The following PRKG1 variants were observed in gnomAD, a reference collection of about 807,000 sequenced individuals.
PRKG1 encodes protein kinase cGMP-dependent 1, also known as cGMP-dependent protein kinase 1.
PRKG1 carries 35 observed loss-of-function variants against 88.1 expected under a neutral mutation model. The observed-to-expected ratio is 0.40, with a 90% confidence interval of 0.30 to 0.53. The LOEUF (loss-of-function observed/expected upper bound fraction) is 0.53. PRKG1 is among the 20% of genes least tolerant of loss of function. The pLI is 0.59. For missense variants in PRKG1, 540 were observed against 839.8 expected, an observed-to-expected ratio of 0.64 and a Z score of 4.41; for synonymous variants, 303 against 292.5, an observed-to-expected ratio of 1.04 and a Z score of -0.37.
At chr10:51,471,026 G>C (rs1369461087) in intron 3 of PRKG1, among the ~76,000 whole-genome samples, 1 of 151,876 alleles carries the variant, frequency 6.6e-6, no homozygotes, top group African/African-American at 2.4e-5. Context: ...GTATGATTCA[G>C]ATCTATATTC....
intron 2 of PRKG1, among the ~76,000 whole-genome samples, chr10:51,282,664 A>G (rs1164912312): frequency 6.6e-6 from 1 of 152,184 alleles, no homozygotes; most frequent in Admixed American, 6.5e-5. Flanking sequence ...TTTAAAAACT[A>G]GTTTATATCC....
At chr10:51,102,499 G>A (rs960484775) in intron 1 of PRKG1, among the ~76,000 whole-genome samples, 1 of 151,980 alleles carries the variant, frequency 6.6e-6, no homozygotes, top group Non-Finnish European at 1.5e-5. Context: ...AGAATGAAAT[G>A]GAAGTTCATA....
intron 3 of PRKG1, among the ~76,000 whole-genome samples, chr10:51,655,390 T>C (rs1248967116): frequency 6.6e-6 from 1 of 152,154 alleles, no homozygotes; most frequent in Non-Finnish European, 1.5e-5. Flanking sequence ...TTTGTAAACA[T>C]TGAATGGTAG....
At chr10:52,078,598 C>T (rs1283276022) in intron 7 of PRKG1, among the ~76,000 whole-genome samples, 1 of 152,208 alleles carries the variant, frequency 6.6e-6, no homozygotes, top group African/African-American at 2.4e-5. Context: ...ACACCAGAGA[C>T]TACCATATAC....
chr10:51,228,721 A>G (rs141971481), intron 2 of PRKG1, among the ~76,000 whole-genome samples: 12 of 152,258 alleles, frequency 7.9e-5, no homozygotes, highest in Admixed American at 7.8e-4. Flanking sequence ...TATACTGAAG[A>G]GTTTTGCTTT....
At chr10:52,105,551 T>A (rs1847397628) in intron 7 of PRKG1, among the ~76,000 whole-genome samples, 3 of 152,178 alleles carry the variant, frequency 2.0e-5, no homozygotes, top group Admixed American at 2.0e-4. Context: ...CTCCCCTTAG[T>A]TTATCTTTGA....
intron 2 of PRKG1, among the ~76,000 whole-genome samples, chr10:51,244,549 G>A (rs1278570466): frequency 3.3e-5 from 5 of 151,952 alleles, no homozygotes; most frequent in Non-Finnish European, 4.4e-5. Context: ...CAAAGGCCCC[G>A]TTTTAATTGC....
intron 3 of PRKG1, chr10:51,695,983 A>G (rs1356527289): frequency 6.6e-6 from 1 of 152,166 alleles, no homozygotes; most frequent in African/African-American, 2.4e-5. Flanking sequence ...TTATGTTCAC[A>G]TCCTCAAGGC....
chr10:51,218,516 TATATATATATATATAA>T lies in PRKG1; in HGVS notation c.478+65188_478+65203del, dbSNP rs1476457889. 2.0e-3 allele frequency among the ~76,000 whole-genome samples: 255 copies of T among 125,038 alleles called. 4 individuals carry two copies. The highest frequency in any genetic ancestry group is 7.8e-3 in the African/African-American group (240 of 30,842). The allele number at this position is 125,038 out of a possible 152,430, so 82.0% of individuals were successfully genotyped here. The stretch of plus-strand genomic sequence containing the variant: ...ATATATATATATATATATATATATA[TATATATATATATATAA>T]AATGTGTGTATTTGGCATTTATATA... On this transcript the variant is annotated intron_variant, in intron 2 of 17. Transcript: ENST00000373980.
intron 3 of PRKG1, among the ~76,000 whole-genome samples, chr10:51,586,744 C>T (rs1043184312): frequency 6.6e-6 from 1 of 152,014 alleles, no homozygotes; most frequent in Non-Finnish European, 1.5e-5. Flanking sequence ...CTGTCTGATA[C>T]CCAAATTATG....
intron 5 of PRKG1, among the ~76,000 whole-genome samples, chr10:52,031,448 A>G (rs934007100): frequency 1.3e-5 from 2 of 152,200 alleles, no homozygotes; most frequent in African/African-American, 2.4e-5. Context: ...AACCATAAAC[A>G]GGGCTTCTTG....
At chr10:51,293,815 A>G (rs962845513) in intron 2 of PRKG1, among the ~76,000 whole-genome samples, 1 of 152,152 alleles carries the variant, frequency 6.6e-6, no homozygotes, top group Non-Finnish European at 1.5e-5. Context: ...CAATGGCTAT[A>G]CCAGTTTACA....
At chr10:51,361,244 T>A (rs1842474092) in intron 2 of PRKG1, among the ~76,000 whole-genome samples, 1 of 151,904 alleles carries the variant, frequency 6.6e-6, no homozygotes, top group Non-Finnish European at 1.5e-5. Context: ...TTAGCATTTA[T>A]TTAGCCCATG....
At chr10:51,308,408 T>C (rs1274267391) in intron 2 of PRKG1, among the ~76,000 whole-genome samples, 1 of 152,158 alleles carries the variant, frequency 6.6e-6, no homozygotes, top group African/African-American at 2.4e-5. Context: ...ACTAACTACA[T>C]TGCAGGGATT....
intron 5 of PRKG1, among the ~76,000 whole-genome samples, chr10:51,997,753 A>G (rs993957316): frequency 6.6e-6 from 1 of 152,050 alleles, no homozygotes. Flanking sequence ...GGGTTTTTCT[A>G]TATACATAAT....
chr10:52,251,883 G>A (rs1841181510), intron 10 of PRKG1: 2 of 440,810 alleles, frequency 4.5e-6, no homozygotes, highest in East Asian at 7.6e-5. Context: ...ATAACACCTT[G>A]CTTTTTAGAA....
chr10:52,009,957 C>T (rs564280273), intron 5 of PRKG1, among the ~76,000 whole-genome samples: 108 of 152,230 alleles, frequency 7.1e-4, no homozygotes, highest in African/African-American at 2.5e-3. Flanking sequence ...GCTGGGATAA[C>T]TGGCTAGCCA....
intron 3 of PRKG1, among the ~76,000 whole-genome samples, chr10:51,762,513 C>T (rs896488661): frequency 6.6e-6 from 1 of 152,194 alleles, no homozygotes; most frequent in African/African-American, 2.4e-5. Flanking sequence ...TTAAATTCTA[C>T]ATCTAAAATA....
At chr10:51,652,712 T>A (rs1239426437) in intron 3 of PRKG1, among the ~76,000 whole-genome samples, 5 of 152,296 alleles carry the variant, frequency 3.3e-5, no homozygotes, top group South Asian at 2.1e-4. Context: ...AATTAACATA[T>A]CTATCATATC....
Sources: allele counts gnomAD v4.1 joint callset (sites outside exome capture counted in the v4.1 genomes callset), GRCh38; gene constraint gnomAD v4.1.1; transcripts MANE v1.5; gene names NCBI Gene and HGNC (gene_info 2026-07-23, HGNC 2026-07-21).